The following BRI3 variants were observed in gnomAD, a reference collection of about 807,000 sequenced individuals.
BRI3 encodes the protein brain protein I3, also known as membrane protein BRI3.
A neutral mutation model predicts 12.8 loss-of-function variants in BRI3; 6 were observed. The observed-to-expected ratio is 0.47, with a 90% CI of 0.26 to 0.93. The LOEUF (loss-of-function observed/expected upper bound fraction) is 0.93, where lower values mean the gene tolerates loss of function less well. Ranked by LOEUF, BRI3 falls within the 40% of genes least tolerant of loss-of-function variation. The pLI, the probability that BRI3 is intolerant of heterozygous loss-of-function variation, is 0.15. For missense variants in BRI3, 134 were observed against 171.1 expected (o/e 0.78, Z 1.21); for synonymous variants, 91 against 76.1 (o/e 1.20, Z -1.02).
upstream of BRI3, among the ~76,000 whole-genome samples, chr7:98,304,570 C>CA (rs994470342): frequency 6.6e-6 from 1 of 152,006 alleles, no homozygotes; most frequent in African/African-American, 2.4e-5. Context: ...TTTTTTGCGA[C>CA]AGAGTCTCAC....
chr7:98,305,586 A>G (rs902946709), upstream of BRI3, among the ~76,000 whole-genome samples: 1 of 152,016 alleles, frequency 6.6e-6, no homozygotes, highest in African/African-American at 2.4e-5. Flanking sequence ...TGCCCTGGCT[A>G]ATTGTTTATT....
chr7:98,304,155 C>A, upstream of BRI3: 1 of 1,505,180 alleles, frequency 6.6e-7, no homozygotes, highest in Non-Finnish European at 8.9e-7. Context: ...TCGGGGATGG[C>A]GAGTCCAGGA....
chr7:98,312,018 C>T, downstream of BRI3: 1 of 1,421,082 alleles, frequency 7.0e-7, no homozygotes, highest in South Asian at 1.4e-5. Flanking sequence ...CCTGTGATTC[C>T]CACCAACACA....
At chr7:98,314,867 G>T (rs1283950156), downstream of BRI3, among the ~76,000 whole-genome samples, 1 of 152,212 alleles carries the variant, frequency 6.6e-6, no homozygotes, top group African/African-American at 2.4e-5. Context: ...AAGCTGACTC[G>T]CAGGTGAGAA....
upstream of BRI3, among the ~76,000 whole-genome samples, chr7:98,301,968 G>C (rs937433784): frequency 1.3e-5 from 2 of 152,172 alleles, no homozygotes; most frequent in African/African-American, 4.8e-5. Flanking sequence ...GGCCCTCGGG[G>C]ACAGTGGTGT....
At chr7:98,302,617 A>G (rs1407503138), upstream of BRI3, among the ~76,000 whole-genome samples, 3 of 152,090 alleles carry the variant, frequency 2.0e-5, no homozygotes, top group Non-Finnish European at 4.4e-5. Flanking sequence ...CAACAGCAAA[A>G]TCCAGATGGG....
the BRI3 span, chr7:98,315,632 A>AATAATG: frequency 1.8e-6 from 2 of 1,105,086 alleles, no homozygotes; most frequent in Non-Finnish European, 2.4e-6. Context: ...AAAAAATAAT[A>AATAATG]ATAATAATAA....
At chr7:98,312,162 T>C, downstream of BRI3, 1 of 1,612,818 alleles carries the variant, frequency 6.2e-7, no homozygotes, top group African/African-American at 1.3e-5. Context: ...GAGGCTGGGG[T>C]CTTTATTTCT....
chr7:98,315,565 A>G, the BRI3 span: 1 of 1,493,638 alleles, frequency 6.7e-7, no homozygotes, highest in Admixed American at 2.0e-5. Context: ...AACCATCTGC[A>G]ATGAATTTCT....
rs573139229 is a variant in BRI3, at chr7:98,282,260, G to A, written c.143-91G>A. On this transcript the variant is annotated intron_variant, in intron 1 of 2. Transcript: ENST00000297290. ...GGAAAAGACCGGGGGCTTTTTTAGC[G>A]GGGTGGAGGTTGAGGGGACAGGATG... 37 of 1,134,540 alleles carry A rather than the reference G, an allele frequency of 3.3e-5. No individual in the cohort carries two copies. In the South Asian group the frequency reaches 4.6e-4, roughly 14 times the overall value. 70.3% of individuals were successfully genotyped at this position (1,134,540 alleles called of 1,614,324 possible). A position where few individuals can be genotyped will look rare whatever the true frequency, so the allele number is the denominator to read the frequency against.
exon 2 of BRI3, chr7:98,307,689 G>A (rs747446690): frequency 6.8e-6 from 11 of 1,613,674 alleles, no homozygotes; most frequent in Middle Eastern, 1.7e-4. Context: ...CCAGACTTAC[G>A]CCTTGGACAC....
chr7:98,306,607 A>T, exon 1 of BRI3: 1 of 1,581,682 alleles, frequency 6.3e-7, no homozygotes, highest in Non-Finnish European at 8.6e-7. Flanking sequence ...CAGGGCAGAC[A>T]GGTCCACTGC....
At chr7:98,299,508 G>A (rs756263891) in intron 1 of BRI3, among the ~76,000 whole-genome samples, 8 of 151,186 alleles carry the variant, frequency 5.3e-5, no homozygotes, top group Non-Finnish European at 7.4e-5. Context: ...TGACCACCAC[G>A]TTATGGATCA....
upstream of BRI3, among the ~76,000 whole-genome samples, chr7:98,302,024 G>A (rs1177522681): frequency 1.1e-4 from 17 of 152,126 alleles, no homozygotes; most frequent in Admixed American, 9.2e-4. Context: ...GGTAAGAGGC[G>A]TGCACCGTGC....
At chr7:98,322,622 G>C in the BRI3 span, among the ~76,000 whole-genome samples, 1 of 152,144 alleles carries the variant, frequency 6.6e-6, no homozygotes, top group Non-Finnish European at 1.5e-5. Context: ...ATGTTCACCA[G>C]GTGATCTGTT....
At chr7:98,312,419 G>C (rs1800907218), downstream of BRI3, among the ~76,000 whole-genome samples, 1 of 152,216 alleles carries the variant, frequency 6.6e-6, no homozygotes, top group Non-Finnish European at 1.5e-5. Context: ...TAAGCACCTA[G>C]AGGATCAGCT....
At chr7:98,293,436 G>C, downstream of BRI3, 1 of 1,297,288 alleles carries the variant, frequency 7.7e-7, no homozygotes, top group South Asian at 1.2e-5. Context: ...GAAGCTTCCC[G>C]ACCGTCAGCA....
rs867288404 is a variant in BRI3 at position 98,282,003 on chromosome 7, G to A, written c.142+66G>A. The A allele has an allele frequency of 2.2e-5, 28 of 1,296,280 alleles. 1 individual carries two copies. Among genetic ancestry groups the A allele is most frequent in the African/African-American group, 1.9e-4 (12 of 64,512 alleles). The allele number at this position is 1,296,280 out of a possible 1,614,324, so 80.3% of individuals were successfully genotyped here. A position where few individuals can be genotyped will look rare whatever the true frequency, so the allele number is the denominator to read the frequency against. ...GTGGCAAGCCCGGTCGGGGGACGTG[G>A]GTCCGGAGGCGGGTGGGGCCCGCCC... On this transcript the variant is annotated intron_variant, in intron 1 of 2. Coordinates refer to ENST00000297290, the MANE Select transcript of BRI3 (RefSeq NM_015379.5).
the BRI3 span, chr7:98,315,529 CTT>C: frequency 2.6e-6 from 4 of 1,524,666 alleles, no homozygotes; most frequent in Non-Finnish European, 3.5e-6. Flanking sequence ...AGAAGCGCCT[CTT>C]CTCTTCAAGC....
Sources: gnomAD v4.1 joint callset for allele counts (sites outside exome capture counted in the v4.1 genomes callset) on GRCh38, gnomAD v4.1.1 for gene constraint, MANE v1.5 for transcripts, NCBI Gene and HGNC (gene_info 2026-07-23, HGNC 2026-07-21) for gene names.